The following MACF1 variants were observed in gnomAD, a reference collection of about 807,000 sequenced individuals.
MACF1 encodes microtubule-actin cross-linking factor 1.
A neutral mutation model predicts 854.8 loss-of-function variants in MACF1; 193 were observed. That is an observed-to-expected ratio of 0.23 (90% CI 0.20 to 0.25). The LOEUF (loss-of-function observed/expected upper bound fraction) is 0.25. MACF1 is among the 10% of genes least tolerant of loss of function. MACF1 has a pLI of 1.00. For synonymous variants in MACF1, 3,185 were observed against 3,226.7 expected, an observed-to-expected ratio of 0.99 and a Z score of 0.44; for missense variants, 7,722 against 8,929.1, an observed-to-expected ratio of 0.86 and a Z score of 5.45.
At position 39,455,218 on chromosome 1, in the gene MACF1, G is replaced by A; in HGVS notation, c.21075+121G>A. The A allele has an allele frequency of 6.4e-6, 6 of 930,926 alleles. No individual in the cohort carries two copies. In the South Asian group the frequency reaches 1.0e-4, roughly 16 times the overall value. The allele number at this position is 930,926 out of a possible 1,614,324, so 57.7% of individuals were successfully genotyped here. A position where few individuals can be genotyped will look rare whatever the true frequency, so the allele number is the denominator to read the frequency against. ...AACACATTACCACAGACTTAGCACTGTAAAACAACACATACTTACTTACCT... is the reference window on the plus strand; with the variant it reads ...AACACATTACCACAGACTTAGCACTATAAAACAACACATACTTACTTACCT... On this transcript the variant is annotated intron_variant, in intron 89 of 100. Coordinates refer to ENST00000564288, the MANE Select transcript of MACF1 (RefSeq NM_001394062.1).
rs544524273 is a variant in MACF1 at position 39,235,596 on chromosome 1, T to C, written c.171+4353T>C. 2.7e-3 allele frequency among the ~76,000 whole-genome samples: 409 copies of C among 152,348 alleles called. 1 individual carries two copies. Among genetic ancestry groups the C allele is most frequent in the Middle Eastern group, 0.014 (4 of 294 alleles). ...TCAGAAAGATTGCATGCATCTGTCT[T>C]CTCTTCTCCATCTCCATATCGCTGC... On this transcript the variant is annotated intron_variant, in intron 2 of 100. Transcript: ENST00000564288.
At chr1:39,392,739 T>G (rs985682993) in intron 58 of MACF1, among the ~76,000 whole-genome samples, 2 of 152,166 alleles carry the variant, frequency 1.3e-5, no homozygotes, top group African/African-American at 4.8e-5. Context: ...ATTTCTTCCT[T>G]AAATGAATGT....
chr1:39,431,896 C>T (rs1643881235), intron 66 of MACF1, among the ~76,000 whole-genome samples: 1 of 152,160 alleles, frequency 6.6e-6, no homozygotes, highest in Non-Finnish European at 1.5e-5. Context: ...GGATCACTCG[C>T]GCCTAGGAGT....
chr1:39,300,428 TAGGGTTATG>T, intron 22 of MACF1, 66 bp downstream of exon 22: 1 of 1,492,580 alleles, frequency 6.7e-7, no homozygotes, highest in Non-Finnish European at 9.1e-7. Context: ...AGCCTTCAGT[TAGGGTTATG>T]ATGATAAAAG....
intron 58 of MACF1, chr1:39,413,184 G>A (rs547690826): frequency 6.2e-7 from 1 of 1,613,490 alleles, no homozygotes; most frequent in East Asian, 2.2e-5. Flanking sequence ...CACCAGAAGG[G>A]CCTGTCACCC....
chr1:39,118,065 G>A (rs774752958), intron 2 of MACF1, among the ~76,000 whole-genome samples: 1 of 152,252 alleles, frequency 6.6e-6, no homozygotes, highest in Non-Finnish European at 1.5e-5. Flanking sequence ...GATCCTAACA[G>A]GACCTTTGCT....
At chr1:39,378,677 C>T (rs1346129161) in intron 53 of MACF1, among the ~76,000 whole-genome samples, 154 bp downstream of exon 53, 1 of 152,110 alleles carries the variant, frequency 6.6e-6, no homozygotes, top group African/African-American at 2.4e-5. Context: ...GGTTTGCTGG[C>T]TATAGACCAT....
chr1:39,213,846 T>C (rs1644545473), intron 1 of MACF1, among the ~76,000 whole-genome samples: 1 of 152,198 alleles, frequency 6.6e-6, no homozygotes, highest in Non-Finnish European at 1.5e-5. Flanking sequence ...TCAGGGTGAC[T>C]GAGAGCTTAG....
Position 39,335,417 on chromosome 1 carries a change from T to C in MACF1, c.8829T>C (p.Ile2943=). The C allele has an allele frequency of 3.7e-6, 6 of 1,614,166 alleles. No homozygotes were observed. Among genetic ancestry groups the C allele is most frequent in the Non-Finnish European group, 4.2e-6 (5 of 1,180,034 alleles). The change falls in exon 37 of 101, where the codon ATT becomes ATC. Residue 2943 remains isoleucine, a synonymous_variant. Coordinates refer to ENST00000564288, the MANE Select transcript of MACF1 (RefSeq NM_001394062.1). ...EEIRENQGEV[I]LEVQETYCET... is the part of the protein sequence containing the mutation. ...TAAGAGAAAATCAAGGGGAAGTGAT[T>C]TTGGAAGTACAAGAAACATATTGTG...
intron 2 of MACF1, among the ~76,000 whole-genome samples, chr1:39,166,333 G>A (rs1557493093): frequency 6.6e-6 from 1 of 152,130 alleles, no homozygotes; most frequent in Non-Finnish European, 1.5e-5. Flanking sequence ...ATCCCAAAGT[G>A]CTGGGATTAC....
intron 1 of MACF1, among the ~76,000 whole-genome samples, chr1:39,207,738 A>C (rs1166842122): frequency 6.6e-6 from 1 of 152,192 alleles, no homozygotes; most frequent in Non-Finnish European, 1.5e-5. Context: ...ATTTGTGTGA[A>C]TCAGTTCTTA....
chr1:39,367,877 G>A (rs1022703417), intron 49 of MACF1, among the ~76,000 whole-genome samples: 11 of 151,794 alleles, frequency 7.2e-5, no homozygotes, highest in African/African-American at 2.7e-4. Context: ...TGCTGAGGCA[G>A]GAGAATCGCT....
intron 2 of MACF1, among the ~76,000 whole-genome samples, chr1:39,121,733 C>A (rs1642720070): frequency 6.6e-6 from 1 of 152,186 alleles, no homozygotes; most frequent in African/African-American, 2.4e-5. Flanking sequence ...TAGGCGTGAG[C>A]CACCGCGCCA....
chr1:39,142,385 G>A (rs987053929), intron 2 of MACF1, among the ~76,000 whole-genome samples: 1 of 152,178 alleles, frequency 6.6e-6, no homozygotes, highest in African/African-American at 2.4e-5. Context: ...GATGGATGGA[G>A]TATTTGGGCC....
At chr1:39,480,630 T>G (rs901824928) in intron 98 of MACF1, among the ~76,000 whole-genome samples, 1 of 149,914 alleles carries the variant, frequency 6.7e-6, no homozygotes, top group Admixed American at 6.7e-5. Context: ...ACTCTGTCTC[T>G]AAAAAATAAA....
chr1:39,296,580 A>C (rs939132446), intron 20 of MACF1, among the ~76,000 whole-genome samples: 2 of 151,508 alleles, frequency 1.3e-5, no homozygotes, highest in African/African-American at 4.9e-5. Context: ...AAATACAAAA[A>C]TTAGCTGGGT....
At position 39,379,312 on chromosome 1, in the gene MACF1, G is replaced by A; in HGVS notation, c.13386G>A (p.Met4462Ile). 6.2e-7 allele frequency: 1 copy of A among 1,614,088 alleles called. No homozygotes were observed. Among genetic ancestry groups the A allele is most frequent in the Non-Finnish European group, 8.5e-7 (1 of 1,180,006 alleles). ...GCCTTCAGGCTATCCTCAACAGAATGGAGGAGGTTCACAAGGAGGCAAACT... is the reference window on the plus strand; with the variant it reads ...GCCTTCAGGCTATCCTCAACAGAATAGAGGAGGTTCACAAGGAGGCAAACT... ...QESLQAILNR[M>I]EEVHKEANSV... Residue 4462 changes from methionine to isoleucine, a missense_variant, in exon 54 of 101, where the codon ATG becomes ATA. Met to Ile is a conservative substitution (Grantham distance 10, BLOSUM62 1). Coordinates refer to ENST00000564288, the MANE Select transcript of MACF1 (RefSeq NM_001394062.1).
intron 50 of MACF1, among the ~76,000 whole-genome samples, chr1:39,369,027 T>C (rs982415291): frequency 1.4e-5 from 2 of 144,442 alleles, no homozygotes; most frequent in African/African-American, 5.3e-5. Context: ...TTTAAAGATA[T>C]GGGGTCTTGC....
At chr1:39,402,451 G>A (rs542051936) in intron 58 of MACF1, among the ~76,000 whole-genome samples, 7 of 152,146 alleles carry the variant, frequency 4.6e-5, no homozygotes, top group Non-Finnish European at 8.8e-5. Flanking sequence ...AGAGCACATA[G>A]TAGATACCAA....
Sources: allele counts gnomAD v4.1 joint callset (sites outside exome capture counted in the v4.1 genomes callset), GRCh38; gene constraint gnomAD v4.1.1; transcripts MANE v1.5; gene names NCBI Gene and HGNC (gene_info 2026-07-23, HGNC 2026-07-21).